Variants in ANO4 observed in about 807,000 individuals in gnomAD.
ANO4 encodes the protein anoctamin-4.
A neutral mutation model predicts 141.9 loss-of-function variants in ANO4; 69 were observed. That is an observed-to-expected ratio of 0.49 (90% CI 0.40 to 0.59). The LOEUF (loss-of-function observed/expected upper bound fraction) is 0.59, where lower values mean the gene tolerates loss of function less well. ANO4 is among the 20% of genes least tolerant of loss of function. ANO4 has a pLI of 0.00. For synonymous variants in ANO4, 350 were observed against 394.3 expected (o/e 0.89, Z 1.33); for missense variants, 894 against 1,162.2 (o/e 0.77, Z 3.36).
intron 8 of ANO4, among the ~76,000 whole-genome samples, chr12:100,997,205 G>C (rs988107839): frequency 6.6e-6 from 1 of 151,574 alleles, no homozygotes; most frequent in East Asian, 1.9e-4. Flanking sequence ...GTGGTTGCGC[G>C]TGCCTTTAAT....
In ANO4 at chr12:101,015,273, A is replaced by G. The variant is rs563919961; in HGVS notation, c.735-4761A>G. On this transcript the variant is annotated intron_variant, in intron 8 of 27. Coordinates refer to ENST00000392977, the MANE Select transcript of ANO4 (RefSeq NM_001286615.2). Reference sequence around the variant, plus strand: ...TTTTCCGAGGTGTATGTGTCCTCCCATAGTCATTCTGTGCATGCACAAGCA... The same window carrying G: ...TTTTCCGAGGTGTATGTGTCCTCCCGTAGTCATTCTGTGCATGCACAAGCA... Among the ~76,000 whole-genome samples the G allele has an allele frequency of 2.0e-5, 3 of 152,298 alleles. No individual in the cohort carries two copies. In the East Asian group the frequency reaches 5.8e-4, roughly 29 times the overall value.
chr12:100,809,452 T>A (rs1312304364), intron 1 of ANO4, among the ~76,000 whole-genome samples: 1 of 150,194 alleles, frequency 6.7e-6, no homozygotes, highest in East Asian at 1.9e-4. Flanking sequence ...GAACATGGAG[T>A]GGGAGAGCCT....
chr12:100,886,733 T>G (rs976869503), intron 1 of ANO4, among the ~76,000 whole-genome samples: 7 of 152,338 alleles, frequency 4.6e-5, no homozygotes, highest in African/African-American at 1.7e-4. Context: ...TGGCTGCTTT[T>G]GGGTCTACAG....
At chr12:100,828,071 G>A (rs1484569761) in intron 1 of ANO4, among the ~76,000 whole-genome samples, 1 of 151,848 alleles carries the variant, frequency 6.6e-6, no homozygotes, top group Non-Finnish European at 1.5e-5. Context: ...TTTGATTAAT[G>A]TGCACCAGCC....
intron 2 of ANO4, among the ~76,000 whole-genome samples, chr12:100,907,825 C>T (rs2040916307): frequency 6.6e-6 from 1 of 152,170 alleles, no homozygotes; most frequent in African/African-American, 2.4e-5. Flanking sequence ...CTCTTAGAAA[C>T]ATTCTTATTT....
intron 3 of ANO4, among the ~76,000 whole-genome samples, chr12:100,926,278 A>G (rs552509040): frequency 1.3e-5 from 2 of 152,142 alleles, no homozygotes; most frequent in Non-Finnish European, 2.9e-5. Flanking sequence ...TAGTGTGCAT[A>G]CCCTAAGTAT....
intron 2 of ANO4, among the ~76,000 whole-genome samples, chr12:100,916,828 A>G (rs1309013936): frequency 6.6e-6 from 1 of 152,180 alleles, no homozygotes; most frequent in African/African-American, 2.4e-5. Flanking sequence ...AGGCATTGAC[A>G]TATTTGCTAA....
chr12:101,087,250 G>A (rs1566230009), intron 17 of ANO4, among the ~76,000 whole-genome samples: 1 of 151,926 alleles, frequency 6.6e-6, no homozygotes, highest in Non-Finnish European at 1.5e-5. Flanking sequence ...AGGTACAGGG[G>A]CTCATGCCTA....
chr12:100,970,718 CTTCCTTCCTTCT>C (rs1566072101), intron 5 of ANO4, among the ~76,000 whole-genome samples: 4 of 109,108 alleles, frequency 3.7e-5, no homozygotes, highest in African/African-American at 8.6e-5. Context: ...TCCTTCCTTC[CTTCCTTCCTTCT>C]TTCTTTCGAC....
At chr12:100,720,839 G>A (rs533209378) in intron 1 of ANO4, among the ~76,000 whole-genome samples, 5 of 152,308 alleles carry the variant, frequency 3.3e-5, no homozygotes, top group Non-Finnish European at 7.4e-5. Context: ...AATTAGCTCA[G>A]TTAATCTTCA....
chr12:101,068,999 A>C, intron 14 of ANO4: 1 of 789,830 alleles, frequency 1.3e-6, no homozygotes, highest in Non-Finnish European at 2.3e-6. Flanking sequence ...AAAGCTCTGG[A>C]TAAGGCCCAG....
chr12:101,013,106 G>A (rs957687905), intron 8 of ANO4, among the ~76,000 whole-genome samples: 2 of 152,160 alleles, frequency 1.3e-5, no homozygotes, highest in Admixed American at 6.5e-5. Flanking sequence ...ATTTGACCCA[G>A]CAGTGCCCTT....
intron 1 of ANO4, among the ~76,000 whole-genome samples, chr12:100,826,426 T>C (rs2036345338): frequency 6.6e-6 from 1 of 152,072 alleles, no homozygotes; most frequent in Non-Finnish European, 1.5e-5. Flanking sequence ...TCCATTAATA[T>C]TGATGCATTG....
intron 5 of ANO4, among the ~76,000 whole-genome samples, chr12:100,954,641 T>C (rs542718826): frequency 6.6e-6 from 1 of 152,284 alleles, no homozygotes; most frequent in African/African-American, 2.4e-5. Context: ...TTGTTCCCTG[T>C]CCCTTCATTT....
At chr12:100,989,851 T>A (rs1353491491) in intron 8 of ANO4, among the ~76,000 whole-genome samples, 1 of 116,232 alleles carries the variant, frequency 8.6e-6, no homozygotes, top group East Asian at 2.7e-4. Context: ...TGGTTGGGTA[T>A]ACACATGGAT....
At chr12:101,059,969 G>A (rs2048280840) in intron 14 of ANO4, among the ~76,000 whole-genome samples, 1 of 152,184 alleles carries the variant, frequency 6.6e-6, no homozygotes. Flanking sequence ...TAATTGTGAT[G>A]TTAGGATGTC....
At chr12:100,732,905 CT>C (rs2136815357) in intron 1 of ANO4, among the ~76,000 whole-genome samples, 1 of 152,284 alleles carries the variant, frequency 6.6e-6, no homozygotes, top group South Asian at 2.1e-4. Context: ...TTTTGCCCCC[CT>C]CTGCCTAGAA....
At chr12:100,877,425 C>T (rs1435249795) in intron 1 of ANO4, among the ~76,000 whole-genome samples, 1 of 150,786 alleles carries the variant, frequency 6.6e-6, no homozygotes, top group African/African-American at 2.4e-5. Flanking sequence ...TCCAAATATA[C>T]CTTAATTTTT....
At chr12:101,037,072 A>G (rs766880372) in intron 9 of ANO4, 23 bp from the exon 10 acceptor site, 11 of 1,611,992 alleles carry the variant, frequency 6.8e-6, no homozygotes, top group South Asian at 1.1e-5. Context: ...TATTAATTCA[A>G]ATGGACTTAT....
Sources: gnomAD v4.1 joint callset for allele counts (sites outside exome capture counted in the v4.1 genomes callset) on GRCh38, gnomAD v4.1.1 for gene constraint, MANE v1.5 for transcripts, NCBI Gene and HGNC (gene_info 2026-07-23, HGNC 2026-07-21) for gene names.